The following JAKMIP1 variants were observed in gnomAD, a reference collection of about 807,000 sequenced individuals.
JAKMIP1 encodes the protein janus kinase and microtubule interacting protein 1.
In JAKMIP1, 33 loss-of-function variants were observed where a neutral mutation model predicts 113.0. That is an observed-to-expected ratio of 0.29 (90% CI 0.22 to 0.39). The LOEUF is 0.39. JAKMIP1 is among the 10% of genes least tolerant of loss of function. The pLI, the probability that JAKMIP1 is intolerant of heterozygous loss-of-function variation, is 1.00. For missense variants in JAKMIP1, 813 were observed against 1,080.5 expected, an observed-to-expected ratio of 0.75 and a Z score of 3.47; for synonymous variants, 480 against 459.9, an observed-to-expected ratio of 1.04 and a Z score of -0.56.
chr4:6,152,544 G>T (rs1052764533), intron 1 of JAKMIP1, among the ~76,000 whole-genome samples: 3 of 152,134 alleles, frequency 2.0e-5, no homozygotes, highest in African/African-American at 7.2e-5. Flanking sequence ...TGATGCCGGG[G>T]AATATTTATG....
rs1719363564 is a variant in JAKMIP1 at position 6,137,163 on chromosome 4, C to T, written c.-147-24166G>A. On this transcript the variant is annotated intron_variant, in intron 1 of 20. Coordinates refer to ENST00000409021, the MANE Select transcript of JAKMIP1 (RefSeq NM_001099433.2). This position sits in a 1 kb window ranked among gnomAD's most constrained non-coding sequence, Gnocchi z 4.5. ...AGGTGCTGCATGCTCCCTTGCCTTG[C>T]AGAGCCTCCCCCATAGGGCTTGGAA... 6.6e-6 allele frequency among the ~76,000 whole-genome samples: 1 copy of T among 152,178 alleles called. No individual in the cohort carries two copies. Among genetic ancestry groups the T allele is most frequent in the Admixed American group, 6.5e-5 (1 of 15,286 alleles).
Position 6,143,187 on chromosome 4 carries a change from C to T in JAKMIP1, c.-147-30190G>A, listed in dbSNP as rs576838082. Among the ~76,000 whole-genome samples, 16 of 152,334 alleles carry T rather than the reference C, an allele frequency of 1.1e-4. No homozygotes were observed. Among genetic ancestry groups the T allele is most frequent in the African/African-American group, 3.4e-4 (14 of 41,592 alleles). The stretch of plus-strand genomic sequence containing the variant: ...ACGAGCTAAGTTAACCCACGCACAG[C>T]ACCTTGCACAGTGCCTGGTGCGTGG... On this transcript the variant is annotated intron_variant, in intron 1 of 20. Transcript: ENST00000409021. The surrounding 1 kb of genome is among the most constrained non-coding windows in gnomAD (Gnocchi z 4.9).
chr4:6,112,690 C>G, intron 2 of JAKMIP1, 32 bp downstream of exon 2: 1 of 1,607,322 alleles, frequency 6.2e-7, no homozygotes, highest in Non-Finnish European at 8.5e-7. Flanking sequence ...CATTTGCAGC[C>G]CAGCCGCTGC....
chr4:6,081,762 T>C lies in JAKMIP1; in HGVS notation c.955-7A>G, dbSNP rs1469892260. Reference sequence around the variant, plus strand: ...TCTCTCGTGAGCGTTTCAGCTGTGGTTGGAAACAGACACAGAGGCTCAGAC... The same window carrying C: ...TCTCTCGTGAGCGTTTCAGCTGTGGCTGGAAACAGACACAGAGGCTCAGAC... On this transcript the variant is annotated splice_polypyrimidine_tract_variant and splice_region_variant and intron_variant, in intron 5 of 20. Coordinates refer to ENST00000409021, the MANE Select transcript of JAKMIP1 (RefSeq NM_001099433.2). This position sits in a 1 kb window ranked among gnomAD's most constrained non-coding sequence, Gnocchi z 4.6. 1.2e-6 allele frequency: 2 copies of C among 1,613,968 alleles called. No individual in the cohort carries two copies. Among genetic ancestry groups the C allele is most frequent in the Non-Finnish European group, 1.7e-6 (2 of 1,180,020 alleles).
chr4:6,035,835 G>A lies in JAKMIP1; in HGVS notation c.2379+69C>T. 4 of 1,337,904 alleles carry A rather than the reference G, an allele frequency of 3.0e-6. No individual in the cohort carries two copies. In the South Asian group the frequency reaches 5.6e-5, roughly 19 times the overall value. The allele number at this position is 1,337,904 out of a possible 1,614,324, so 82.9% of individuals were successfully genotyped here. The stretch of plus-strand genomic sequence containing the variant: ...CCTGGGGCACTCAGAGGCCCATCAG[G>A]GTGCCAAGGTGCACACAGGACAACA... On this transcript the variant is annotated intron_variant, in intron 19 of 20. Transcript: ENST00000409021.
intron 1 of JAKMIP1, among the ~76,000 whole-genome samples, chr4:6,146,071 A>T (rs1720812381): frequency 1.3e-5 from 2 of 152,184 alleles, no homozygotes; most frequent in South Asian, 4.1e-4. Flanking sequence ...CTATACATTC[A>T]GTGGAATATT....
intron 1 of JAKMIP1, among the ~76,000 whole-genome samples, chr4:6,160,212 G>A (rs1171906404): frequency 2.0e-5 from 3 of 152,200 alleles, no homozygotes; most frequent in African/African-American, 7.2e-5. Flanking sequence ...AGGGCACCCA[G>A]CAGGTGAAAG....
In JAKMIP1 at chr4:6,097,175, A is replaced by T. The variant is rs915227328; in HGVS notation, c.624+8298T>A. Reference sequence around the variant, plus strand: ...TGCCACCATGTCCGGCTAATTTTTAAATTTTTTGTAGAGGCAAGACCTCAC... The same window carrying T: ...TGCCACCATGTCCGGCTAATTTTTATATTTTTTGTAGAGGCAAGACCTCAC... On this transcript the variant is annotated intron_variant, in intron 3 of 20. Coordinates refer to ENST00000409021, the MANE Select transcript of JAKMIP1 (RefSeq NM_001099433.2). The surrounding 1 kb of genome is among the most constrained non-coding windows in gnomAD (Gnocchi z 4.3). Among the ~76,000 whole-genome samples, 5 of 151,956 alleles carry T rather than the reference A, an allele frequency of 3.3e-5. No homozygotes were observed. Among genetic ancestry groups the T allele is most frequent in the Non-Finnish European group, 5.9e-5 (4 of 67,986 alleles).
Position 6,065,768 on chromosome 4 carries a change from A to G in JAKMIP1, c.1303-760T>C, listed in dbSNP as rs541158440. On this transcript the variant is annotated intron_variant, in intron 8 of 20. Coordinates refer to ENST00000409021, the MANE Select transcript of JAKMIP1 (RefSeq NM_001099433.2). The surrounding 1 kb of genome is among the most constrained non-coding windows in gnomAD (Gnocchi z 5.1). ...CCTGCTGGCACTTCTCCCACTCCAAATATCATAGGATATGGGGCTTCATTC... is the reference window on the plus strand; with the variant it reads ...CCTGCTGGCACTTCTCCCACTCCAAGTATCATAGGATATGGGGCTTCATTC... Among the ~76,000 whole-genome samples, 1 of 152,308 alleles carries G rather than the reference A, an allele frequency of 6.6e-6. No individual in the cohort carries two copies. Among genetic ancestry groups the G allele is most frequent in the South Asian group, 2.1e-4 (1 of 4,826 alleles).
At chr4:6,063,953 G>A (rs538798944) in intron 9 of JAKMIP1, among the ~76,000 whole-genome samples, 20 of 152,342 alleles carry the variant, frequency 1.3e-4, no homozygotes, top group Admixed American at 3.3e-4. Flanking sequence ...GCGAGGTAGC[G>A]CGATCCACCT....
rs1263944595 is a variant in JAKMIP1 at position 6,185,973 on chromosome 4, G to T, written c.-148+14280C>A. Among the ~76,000 whole-genome samples the T allele has an allele frequency of 6.6e-6, 1 of 152,084 alleles. No individual in the cohort carries two copies. The highest frequency in any genetic ancestry group is 1.9e-4 in the East Asian group (1 of 5,190). ...TTTTTTTTAATTACCTCAGTGTGGA[G>T]GTCATTTCCAATTGTGCTGGACAAT... is the stretch of plus-strand genomic sequence containing the variant. On this transcript the variant is annotated intron_variant, in intron 1 of 20. Transcript: ENST00000409021. This position sits in a 1 kb window ranked among gnomAD's most constrained non-coding sequence, Gnocchi z 5.3.
In JAKMIP1 at chr4:6,076,461, G is replaced by A. The variant is rs1224334670; in HGVS notation, c.1302+2478C>T. Among the ~76,000 whole-genome samples the A allele has an allele frequency of 6.6e-6, 1 of 152,018 alleles. No homozygotes were observed. Among genetic ancestry groups the A allele is most frequent in the Non-Finnish European group, 1.5e-5 (1 of 68,026 alleles). On this transcript the variant is annotated intron_variant, in intron 8 of 20. Transcript: ENST00000409021. This position sits in a 1 kb window ranked among gnomAD's most constrained non-coding sequence, Gnocchi z 4.8. ...GAAAAAATAATACCAACTATATGGG[G>A]TGGCTGTGAGAATTCAATGAGATTG...
At position 6,080,588 on chromosome 4, in the gene JAKMIP1, T is replaced by C. The variant is rs554500883; in HGVS notation, c.1102-276A>G. Among the ~76,000 whole-genome samples, 1 of 152,256 alleles carries C rather than the reference T, an allele frequency of 6.6e-6. No individual in the cohort carries two copies. Among genetic ancestry groups the C allele is most frequent in the South Asian group, 2.1e-4 (1 of 4,818 alleles). ...CTATTCTCGTGGTTGTGAATAAGTC[T>C]CTGATGTTTTTATAAGGGTTTTCCC... On this transcript the variant is annotated intron_variant, in intron 6 of 20. Coordinates refer to ENST00000409021, the MANE Select transcript of JAKMIP1 (RefSeq NM_001099433.2). This position sits in a 1 kb window ranked among gnomAD's most constrained non-coding sequence, Gnocchi z 6.0.
rs1173330035 is a variant in JAKMIP1, at chr4:6,153,090, C to T, written c.-147-40093G>A. On this transcript the variant is annotated intron_variant, in intron 1 of 20. Transcript: ENST00000409021. The surrounding 1 kb of genome is among the most constrained non-coding windows in gnomAD (Gnocchi z 4.9). The stretch of plus-strand genomic sequence containing the variant: ...ACCAGCCCCACCCATGCACATCCCC[C>T]TCCCCTACCTGCCTGAAGACTACAC... Among the ~76,000 whole-genome samples the T allele has an allele frequency of 6.6e-6, 1 of 152,106 alleles. No individual in the cohort carries two copies. Among genetic ancestry groups the T allele is most frequent in the African/African-American group, 2.4e-5 (1 of 41,394 alleles).
chr4:6,087,815 T>C (rs78793228), intron 3 of JAKMIP1, among the ~76,000 whole-genome samples: 2,141 of 152,302 alleles, frequency 0.014, 60 homozygotes, highest in African/African-American at 0.048. Flanking sequence ...GCCAGGATGA[T>C]ATCCTGGCCC....
intron 8 of JAKMIP1, among the ~76,000 whole-genome samples, chr4:6,066,719 GCCCTCTCTCC>G (rs1188288199): frequency 6.6e-6 from 1 of 151,794 alleles, no homozygotes. Context: ...TCAAAATCCA[GCCCTCTCTCC>G]CCCTCTCTCC....
chr4:6,103,940 TTTTC>T (rs1713492907), intron 3 of JAKMIP1, among the ~76,000 whole-genome samples: 1 of 152,230 alleles, frequency 6.6e-6, no homozygotes, highest in Non-Finnish European at 1.5e-5. Context: ...AATTTGTTGA[TTTTC>T]TTTATTGATT....
Position 6,060,503 on chromosome 4 carries a change from C to T in JAKMIP1, c.1565G>A (p.Arg522Gln), listed in dbSNP as rs759160978. ...TLDAEREART[R>Q]EQLQADLLRC... ...CAGCAGATCAGCTTGTAGCTGCTCC[C>T]GAGTCTGGAAGGGAAAAGACCAGGC... The change falls in exon 11 of 21, where the codon CGG becomes CAG. Residue 522 changes from arginine (R) to glutamine (Q), a missense_variant. Coordinates refer to ENST00000409021, the MANE Select transcript of JAKMIP1 (RefSeq NM_001099433.2). The T allele has an allele frequency of 6.8e-6, 11 of 1,613,602 alleles. No homozygotes were observed. The highest frequency in any genetic ancestry group is 2.2e-5 in the East Asian group (1 of 44,874).
intron 3 of JAKMIP1, among the ~76,000 whole-genome samples, chr4:6,095,278 A>AAGGGAGGG (rs200994670): frequency 7.6e-6 from 1 of 131,980 alleles, no homozygotes; most frequent in African/African-American, 2.9e-5. Context: ...GAAAGGAAGG[A>AAGGGAGGG]AGGGAGGGAG....
Sources: allele counts gnomAD v4.1 joint callset (sites outside exome capture counted in the v4.1 genomes callset), GRCh38; gene constraint gnomAD v4.1.1; non-coding constraint Gnocchi (gnomAD v3.1); transcripts MANE v1.5; gene names NCBI Gene and HGNC (gene_info 2026-07-23, HGNC 2026-07-21).